The following PRH1 variants were observed in gnomAD, a reference collection of about 807,000 sequenced individuals.
PRH1 encodes proline rich protein HaeIII subfamily 1, also known as salivary acidic proline-rich phosphoprotein 1/2.
PRH1 carries 7 observed loss-of-function variants against 7.9 expected under a neutral mutation model. The observed-to-expected ratio is 0.89, with a 90% CI of 0.50 to 1.67. PRH1 has a LOEUF of 1.67. Ranked by LOEUF, PRH1 falls within the 40% of genes most tolerant of loss-of-function variation. The pLI, the probability that PRH1 is intolerant of heterozygous loss-of-function variation, is 0.00. For missense variants in PRH1, 109 were observed against 223.6 expected, an observed-to-expected ratio of 0.49 and a Z score of 3.27; for synonymous variants, 45 against 80.8, an observed-to-expected ratio of 0.56 and a Z score of 2.38.
At chr12:11,118,217 T>C (rs1218662353), downstream of PRH1, among the ~76,000 whole-genome samples, 1 of 151,992 alleles carries the variant, frequency 6.6e-6, no homozygotes, top group African/African-American at 2.4e-5. Context: ...AACAACTGTA[T>C]AGGAAAAAAA....
chr12:10,975,253 T>C (rs563064864), intron 1 of PRH1, among the ~76,000 whole-genome samples: 20 of 152,280 alleles, frequency 1.3e-4, no homozygotes, highest in Admixed American at 3.3e-4. Flanking sequence ...AGAAAGAGAA[T>C]GGGGGCTTAC....
At chr12:11,159,999 G>T (rs932241855) in intron 1 of PRH1, among the ~76,000 whole-genome samples, 1 of 152,016 alleles carries the variant, frequency 6.6e-6, no homozygotes, top group African/African-American at 2.4e-5. Context: ...TTTATCTTCA[G>T]CATCAGCCAC....
intron 2 of PRH1, among the ~76,000 whole-genome samples, chr12:10,959,849 A>G (rs146960053): frequency 2.6e-4 from 40 of 152,308 alleles, no homozygotes; most frequent in African/African-American, 8.7e-4. Flanking sequence ...CTGATTGATT[A>G]AAGATTGAAG....
chr12:11,065,392 G>T (rs1186944074), intron 1 of PRH1, among the ~76,000 whole-genome samples: 1 of 136,258 alleles, frequency 7.3e-6, no homozygotes, highest in Non-Finnish European at 1.6e-5. Flanking sequence ...AATGCTTCTG[G>T]CCCATTTTCT....
intron 1 of PRH1, among the ~76,000 whole-genome samples, chr12:11,097,719 T>C (rs577329377): frequency 8.7e-6 from 1 of 114,362 alleles, no homozygotes; most frequent in African/African-American, 2.9e-5. Context: ...AATCATTTCA[T>C]GAGATAGATG....
rs1287594166 is a variant in PRH1 at position 10,945,830 on chromosome 12, C to A, written c.-59+27825G>T. Among the ~76,000 whole-genome samples, 8 of 152,272 alleles carry A rather than the reference C, an allele frequency of 5.3e-5. No individual in the cohort carries two copies. The East Asian group carries it at 1.5e-3, about 29-fold the overall frequency. ...CAAAGCGGCCATTTCAGAGGCCTCC[C>A]CTCAGGGACACATTCTCTTTCTCAG... On this transcript the variant is annotated intron_variant, in intron 2 of 3. Coordinates refer to the PRH1 transcript ENST00000539853.
At position 11,152,840 on chromosome 12, in the gene PRH1, G is replaced by A. The variant is rs36087244; in HGVS notation, n.39+18582C>T. ...TGTCTGGGCCTTCTTGTATTTTGAT[G>A]ATCACCATGAGAATAGCCACAGCTA... On this transcript the variant is annotated intron_variant and non_coding_transcript_variant, in intron 1 of 1. Transcript: ENST00000541175. 4.5e-3 allele frequency among the ~76,000 whole-genome samples: 679 copies of A among 152,244 alleles called. 5 individuals carry two copies. The highest frequency in any genetic ancestry group is 0.015 in the African/African-American group (630 of 41,550).
intron 1 of PRH1, among the ~76,000 whole-genome samples, chr12:11,035,541 A>G (rs7297949): frequency 0.44 from 66,633 of 151,922 alleles, 15,447 homozygotes; most frequent in Non-Finnish European, 0.51. Context: ...AACTAAACCA[A>G]GTATTCCTAA....
intron 1 of PRH1, among the ~76,000 whole-genome samples, chr12:11,086,431 A>AGATG (rs201230319): frequency 0.43 from 49,112 of 113,184 alleles, 8,936 homozygotes; most frequent in Non-Finnish European, 0.53. Context: ...AAATGGTTTA[A>AGATG]AATAGATGTT....
intron 1 of PRH1, among the ~76,000 whole-genome samples, chr12:11,152,431 A>G (rs993171150): frequency 6.6e-6 from 1 of 152,018 alleles, no homozygotes; most frequent in Non-Finnish European, 1.5e-5. Flanking sequence ...AGAAAATTGC[A>G]CATTAGAATT....
chr12:11,105,377 CTATGTGT>C (rs1945379747), intron 1 of PRH1, among the ~76,000 whole-genome samples: 1 of 152,126 alleles, frequency 6.6e-6, no homozygotes, highest in African/African-American at 2.4e-5. Flanking sequence ...ACCTTAACAT[CTATGTGT>C]ACCTGATTCC....
intron 1 of PRH1, among the ~76,000 whole-genome samples, chr12:11,011,750 C>G (rs1941078328): frequency 6.6e-6 from 1 of 152,062 alleles, no homozygotes; most frequent in African/African-American, 2.4e-5. Flanking sequence ...TTGGGAAGCC[C>G]AGGAAGGCCA....
At chr12:10,907,985 C>T in intron 2 of PRH1, 1 of 166,872 alleles carries the variant, frequency 6.0e-6, no homozygotes, top group Non-Finnish European at 1.3e-5. Context: ...CTGTAGCTCA[C>T]CATTTAAATA....
In PRH1 at chr12:11,091,115, CATATAT is replaced by C. The variant is rs1555163213; in HGVS notation, n.124-43933_124-43928del. Among the ~76,000 whole-genome samples, 33 of 25,124 alleles carry C rather than the reference CATATAT, an allele frequency of 1.3e-3. 5 individuals are homozygous for C. Among genetic ancestry groups the C allele is most frequent in the Middle Eastern group, 0.029 (1 of 34 alleles). 16.5% of individuals were successfully genotyped at this position (25,124 alleles called of 152,430 possible). On this transcript the variant is annotated intron_variant and non_coding_transcript_variant, in intron 1 of 4. Transcript: ENST00000541977. ...ACACAAATACACACACACACACACA[CATATAT>C]ATATATATATATATATATATATTTT...
chr12:10,976,694 G>T (rs1436074510), intron 1 of PRH1, among the ~76,000 whole-genome samples: 2 of 151,286 alleles, frequency 1.3e-5, no homozygotes, highest in Non-Finnish European at 2.9e-5. Flanking sequence ...AAAAAAGAGA[G>T]AATATACAAA....
At chr12:10,978,067 T>C (rs1482807626) in intron 1 of PRH1, among the ~76,000 whole-genome samples, 2 of 140,638 alleles carry the variant, frequency 1.4e-5, no homozygotes, top group Non-Finnish European at 3.1e-5. Flanking sequence ...TATTTTAAAG[T>C]TCATATGGAA....
intron 1 of PRH1, among the ~76,000 whole-genome samples, chr12:11,071,733 G>T (rs1374522396): frequency 6.6e-6 from 1 of 152,182 alleles, no homozygotes; most frequent in Non-Finnish European, 1.5e-5. Flanking sequence ...TAAGTGGCCC[G>T]GATGCTCGGC....
chr12:11,103,360 T>TA (rs1389322881), intron 1 of PRH1, among the ~76,000 whole-genome samples: 2 of 152,086 alleles, frequency 1.3e-5, no homozygotes, highest in East Asian at 1.9e-4. Context: ...TATGCAGCCA[T>TA]AAAAAATGAT....
intron 1 of PRH1, among the ~76,000 whole-genome samples, chr12:11,103,987 G>C (rs1290284966): frequency 2.0e-5 from 3 of 151,822 alleles, no homozygotes; most frequent in African/African-American, 4.8e-5. Context: ...AATCACACGT[G>C]TTTAGATGGG....
Sources: gnomAD v4.1 joint callset for allele counts (sites outside exome capture counted in the v4.1 genomes callset) on GRCh38, gnomAD v4.1.1 for gene constraint, MANE v1.5 for transcripts, NCBI Gene and HGNC (gene_info 2026-07-23, HGNC 2026-07-21) for gene names.